Variants in CRLS1 observed in about 807,000 individuals in gnomAD.
The protein encoded by CRLS1 is cardiolipin synthase (CMP-forming).
Under a neutral mutation model 37.0 loss-of-function variants are expected in CRLS1, and 24 were observed. That is an observed-to-expected ratio of 0.65 (90% confidence interval 0.47 to 0.91). CRLS1 has a LOEUF of 0.91. Ranked by LOEUF, CRLS1 falls within the 40% of genes least tolerant of loss-of-function variation. The probability of loss-of-function intolerance (pLI) is 0.00; values close to 1 mark genes in which losing one functional copy is unlikely to be tolerated. For synonymous variants in CRLS1, 135 were observed against 159.7 expected (o/e 0.85, Z 1.17); for missense variants, 373 against 395.8 (o/e 0.94, Z 0.49).
At position 6,034,601 on chromosome 20, in the gene CRLS1, CTT is replaced by C. The variant is rs778776613; in HGVS notation, c.821+47_821+48del. ...CTCTCTTAGAATGTCAACAGAATGA[CTT>C]ATGGTGATAGCCCTAGAATGACCTT... On this transcript the variant is annotated intron_variant, in intron 6 of 6. Transcript: ENST00000378863. 20 of 1,348,868 alleles carry C rather than the reference CTT, an allele frequency of 1.5e-5. No individual in the cohort carries two copies. The African/African-American group carries it at 2.3e-4, about 15-fold the overall frequency. The allele number at this position is 1,348,868 out of a possible 1,614,324, so 83.6% of individuals were successfully genotyped here.
chr20:6,019,570 T>C (rs1738204306), intron 3 of CRLS1, among the ~76,000 whole-genome samples: 1 of 151,392 alleles, frequency 6.6e-6, no homozygotes. Context: ...TATGAATCTT[T>C]TGAAAGAATC....
chr20:6,014,047 C>T (rs915643978), intron 2 of CRLS1, among the ~76,000 whole-genome samples: 1 of 152,174 alleles, frequency 6.6e-6, no homozygotes, highest in Admixed American at 6.5e-5. Flanking sequence ...AGGTACTTTT[C>T]TGTTCGTATG....
chr20:6,021,255 C>A (rs575557460), intron 3 of CRLS1, among the ~76,000 whole-genome samples: 6 of 151,740 alleles, frequency 4.0e-5, no homozygotes, highest in African/African-American at 1.5e-4. Flanking sequence ...TTAGTAGAGA[C>A]GGGGTTTCAC....
chr20:6,011,385 A>AT (rs1395026960), intron 2 of CRLS1, among the ~76,000 whole-genome samples: 2 of 152,000 alleles, frequency 1.3e-5, no homozygotes, highest in African/African-American at 4.8e-5. Context: ...GCAACATAAA[A>AT]TTAACAGAAG....
At chr20:6,022,147 T>C (rs569329263) in intron 3 of CRLS1, among the ~76,000 whole-genome samples, 1 of 152,308 alleles carries the variant, frequency 6.6e-6, no homozygotes, top group African/African-American at 2.4e-5. Context: ...TTTGGAATTA[T>C]TTTTAATGTA....
At chr20:6,031,982 ATTAC>A (rs1568631318) in intron 4 of CRLS1, 26 bp from the exon 5 acceptor site, 1 of 1,536,846 alleles carries the variant, frequency 6.5e-7, no homozygotes, top group East Asian at 2.3e-5. Flanking sequence ...CAATAAGTTA[ATTAC>A]TTTATCTTTT....
At chr20:6,036,565 G>A (rs1980562689) in intron 6 of CRLS1, among the ~76,000 whole-genome samples, 1 of 152,238 alleles carries the variant, frequency 6.6e-6, no homozygotes, top group Non-Finnish European at 1.5e-5. Context: ...CTGGTACCCT[G>A]AGAAGCATGG....
intron 3 of CRLS1, among the ~76,000 whole-genome samples, chr20:6,020,079 A>T (rs1225390122): frequency 6.6e-6 from 1 of 152,240 alleles, no homozygotes; most frequent in Non-Finnish European, 1.5e-5. Context: ...ATGAAAATTG[A>T]TATATTTTAA....
chr20:6,032,665 G>C (rs1980259486), intron 5 of CRLS1, among the ~76,000 whole-genome samples: 1 of 152,166 alleles, frequency 6.6e-6, no homozygotes, highest in South Asian at 2.1e-4. Flanking sequence ...ATAAACAACT[G>C]CTACTCTTAG....
intron 2 of CRLS1, among the ~76,000 whole-genome samples, chr20:6,012,970 G>A (rs968122133): frequency 1.3e-5 from 2 of 152,158 alleles, no homozygotes; most frequent in African/African-American, 4.8e-5. Context: ...ACCTTTATGA[G>A]CCTCACCTCT....
chr20:6,031,603 TGTATGA>T (rs1417464922), intron 4 of CRLS1, among the ~76,000 whole-genome samples: 2 of 152,202 alleles, frequency 1.3e-5, no homozygotes, highest in African/African-American at 4.8e-5. Context: ...AAATCACAGT[TGTATGA>T]ACATGGGATG....
rs771735217 is a variant in CRLS1, at chr20:6,015,353, A to G, written c.445-8A>G. ...TTTATATATATAAAAAAAAACTTCT[A>G]TTTTCAGTTGGATGGATTTATTGCT... On this transcript the variant is annotated splice_polypyrimidine_tract_variant and splice_region_variant and intron_variant, in intron 2 of 6. Transcript: ENST00000378863. 7.7e-6 allele frequency: 12 copies of G among 1,548,856 alleles called. No individual in the cohort carries two copies. The highest frequency in any genetic ancestry group is 7.3e-5 in the East Asian group (3 of 41,294).
chr20:6,031,982 ATTACT>A lies in CRLS1; in HGVS notation c.661-26_661-22del, dbSNP rs779571425. The A allele has an allele frequency of 3.3e-6, 5 of 1,536,846 alleles. No individual in the cohort carries two copies. The East Asian group carries it at 6.8e-5, about 21-fold the overall frequency. Reference sequence around the variant, plus strand: ...AAATGTTATTTTAAACAATAAGTTAATTACTTTATCTTTTTTGGTCCTCTGCCAGC... The same window carrying A: ...AAATGTTATTTTAAACAATAAGTTAATTATCTTTTTTGGTCCTCTGCCAGC... On this transcript the variant is annotated intron_variant, in intron 4 of 6. Coordinates refer to ENST00000378863, the MANE Select transcript of CRLS1 (RefSeq NM_019095.6).
intron 1 of CRLS1, chr20:6,006,926 A>C: frequency 1.6e-6 from 1 of 641,052 alleles, no homozygotes; most frequent in Non-Finnish European, 1.9e-6. Context: ...ATATTTAGAA[A>C]GGTATACAGG....
intron 6 of CRLS1, 25 bp downstream of exon 6, chr20:6,034,580 CT>C: frequency 6.7e-7 from 1 of 1,484,634 alleles, no homozygotes; most frequent in Non-Finnish European, 9.4e-7. Flanking sequence ...GAATCACTCT[CT>C]TAGAATGTCA....
Position 6,015,508 on chromosome 20 carries a change from G to A in CRLS1, c.574+18G>A, listed in dbSNP as rs560844185. ...TATTCCAGGTAAGAACGCGTCATGC[G>A]TACTTTTGAATAGCACAGGGAAGAA... On this transcript the variant is annotated intron_variant, in intron 3 of 6. Transcript: ENST00000378863. The A allele has an allele frequency of 6.2e-6, 10 of 1,610,858 alleles. No homozygotes were observed. Among genetic ancestry groups the A allele is most frequent in the Middle Eastern group, 1.7e-4 (1 of 6,054 alleles).
chr20:6,022,285 A>C (rs998589451), intron 3 of CRLS1, among the ~76,000 whole-genome samples: 3 of 149,402 alleles, frequency 2.0e-5, no homozygotes, highest in Middle Eastern at 7.0e-3. Flanking sequence ...GGTATTGCTC[A>C]GTCATCTTCT....
chr20:6,026,409 A>G (rs1306278829), intron 3 of CRLS1, among the ~76,000 whole-genome samples: 1 of 152,042 alleles, frequency 6.6e-6, no homozygotes, highest in African/African-American at 2.4e-5. Flanking sequence ...CATAACTTTC[A>G]TATGCACTGG....
intron 2 of CRLS1, among the ~76,000 whole-genome samples, chr20:6,012,503 G>A (rs186063670): frequency 1.3e-4 from 20 of 152,172 alleles, no homozygotes; most frequent in Non-Finnish European, 1.2e-4. Flanking sequence ...GTGAGAGTGG[G>A]AGGAGTCAAA....
Sources: allele counts gnomAD v4.1 joint callset (sites outside exome capture counted in the v4.1 genomes callset), GRCh38; gene constraint gnomAD v4.1.1; transcripts MANE v1.5; gene names NCBI Gene and HGNC (gene_info 2026-07-23, HGNC 2026-07-21).